Variants in STK39 observed in about 807,000 individuals in gnomAD.
The protein encoded by STK39 is STE20/SPS1-related proline-alanine-rich protein kinase.
In STK39, 20 loss-of-function variants were observed where a neutral mutation model predicts 77.8. That is an observed-to-expected ratio of 0.26 (90% CI 0.18 to 0.37). The LOEUF is 0.37. STK39 is among the 10% of genes least tolerant of loss of function. The probability of loss-of-function intolerance (pLI) is 1.00; values close to 1 mark genes in which losing one functional copy is unlikely to be tolerated. For synonymous variants in STK39, 246 were observed against 234.1 expected (o/e 1.05, Z -0.47); for missense variants, 479 against 656.5 (o/e 0.73, Z 2.95).
At chr2:168,021,469 G>T (rs1001039884) in intron 14 of STK39, among the ~76,000 whole-genome samples, 1 of 152,116 alleles carries the variant, frequency 6.6e-6, no homozygotes, top group Admixed American at 6.6e-5. Flanking sequence ...TTTTTATAAA[G>T]AATTAATCTT....
At chr2:168,016,956 T>G (rs1684425665) in intron 15 of STK39, 87 bp downstream of exon 15, 2 of 1,074,188 alleles carry the variant, frequency 1.9e-6, no homozygotes, top group Non-Finnish European at 2.7e-6. Context: ...AAAGCAGTTT[T>G]AAATAGCAGA....
chr2:168,223,099 T>C (rs1690216066), intron 1 of STK39, among the ~76,000 whole-genome samples: 1 of 152,192 alleles, frequency 6.6e-6, no homozygotes, highest in South Asian at 2.1e-4. Context: ...GCCAAGTAAC[T>C]GGCTCTCAGT....
chr2:168,222,815 A>G (rs557826256), intron 1 of STK39, among the ~76,000 whole-genome samples: 1 of 152,260 alleles, frequency 6.6e-6, no homozygotes, highest in African/African-American at 2.4e-5. Flanking sequence ...TATAAATAAC[A>G]AGAGACTTCA....
chr2:168,072,642 T>C (rs1021355762), intron 12 of STK39, among the ~76,000 whole-genome samples: 5 of 152,252 alleles, frequency 3.3e-5, no homozygotes, highest in Admixed American at 1.3e-4. Context: ...ACAGGGCACA[T>C]AGTAGGGACA....
At chr2:168,044,352 T>C (rs373516278) in intron 14 of STK39, among the ~76,000 whole-genome samples, 3 of 152,344 alleles carry the variant, frequency 2.0e-5, no homozygotes, top group South Asian at 4.2e-4. Flanking sequence ...TCACTCAATA[T>C]GCAACTTGAA....
chr2:168,038,965 T>G (rs988543571), intron 14 of STK39, among the ~76,000 whole-genome samples: 3 of 152,016 alleles, frequency 2.0e-5, no homozygotes, highest in African/African-American at 4.8e-5. Flanking sequence ...AAATGGAAAA[T>G]CCACTTTGCA....
chr2:168,102,864 A>G (rs1041332837), intron 10 of STK39, among the ~76,000 whole-genome samples: 1 of 134,554 alleles, frequency 7.4e-6, no homozygotes, highest in African/African-American at 2.8e-5. Flanking sequence ...TGGGAGGCGG[A>G]GCTTGTAGTG....
chr2:168,129,645 T>C (rs1687629515), intron 9 of STK39, 39 bp from the exon 10 acceptor site: 1 of 1,613,868 alleles, frequency 6.2e-7, no homozygotes, highest in South Asian at 1.1e-5. Context: ...ACATCAAATA[T>C]GATACACATA....
intron 2 of STK39, among the ~76,000 whole-genome samples, chr2:168,170,311 TA>T (rs1282164407): frequency 6.6e-6 from 1 of 152,084 alleles, no homozygotes; most frequent in East Asian, 1.9e-4. Flanking sequence ...TTACCAAGCA[TA>T]TTTGTTTGTC....
At chr2:168,082,188 T>C (rs772330717) in intron 10 of STK39, among the ~76,000 whole-genome samples, 1 of 152,214 alleles carries the variant, frequency 6.6e-6, no homozygotes, top group African/African-American at 2.4e-5. Context: ...AAGACACTTA[T>C]AGCCAGGCCC....
intron 10 of STK39, among the ~76,000 whole-genome samples, chr2:168,111,885 C>A (rs1324512884): frequency 6.6e-6 from 1 of 152,160 alleles, no homozygotes; most frequent in Non-Finnish European, 1.5e-5. Flanking sequence ...AAAAACCTCA[C>A]TGGATCTTTA....
At chr2:167,996,782 G>A (rs1683852750) in intron 16 of STK39, among the ~76,000 whole-genome samples, 1 of 152,090 alleles carries the variant, frequency 6.6e-6, no homozygotes, top group Admixed American at 6.6e-5. Flanking sequence ...CAAAGAAAGA[G>A]GTAAGTGTTT....
chr2:168,078,683 A>G (rs1055666860), intron 10 of STK39, among the ~76,000 whole-genome samples: 3 of 151,928 alleles, frequency 2.0e-5, no homozygotes, highest in African/African-American at 7.3e-5. Flanking sequence ...TTACTGACCC[A>G]AAGAAATACT....
Position 168,033,944 on chromosome 2 carries a change from A to G in STK39, c.1377-16849T>C, listed in dbSNP as rs541517330. Among the ~76,000 whole-genome samples the G allele has an allele frequency of 3.2e-4, 48 of 152,338 alleles. 2 individuals are homozygous for G. The Middle Eastern group carries it at 0.024, about 76-fold the overall frequency. On this transcript the variant is annotated intron_variant, in intron 14 of 17. Transcript: ENST00000355999. ...TGGACAGTGCCTTCTGCAAGCACTC[A>G]GTATTAGTGAAAAAACATCAACAGC... is the stretch of plus-strand genomic sequence containing the variant.
intron 1 of STK39, among the ~76,000 whole-genome samples, chr2:168,190,693 G>A (rs914495144): frequency 1.4e-4 from 22 of 152,198 alleles, no homozygotes; most frequent in African/African-American, 5.3e-4. Flanking sequence ...CGAAATCCAT[G>A]TCAGGGAACA....
rs565096148 is a variant in STK39, at chr2:168,072,298, CA to C, written c.1242+2683del. 1.2e-3 allele frequency among the ~76,000 whole-genome samples: 185 copies of C among 152,220 alleles called. 1 individual carries two copies. The highest frequency in any genetic ancestry group is 6.8e-3 in the Middle Eastern group (2 of 294). ...CTTCTGTGGAACAAAGTGATAGTTA[CA>C]GGGGTGAAAAGGGGAGCAGGATAAA... On this transcript the variant is annotated intron_variant, in intron 12 of 17. Transcript: ENST00000355999.
chr2:168,090,291 T>TTGAATGAA (rs35981068), intron 10 of STK39, among the ~76,000 whole-genome samples: 20 of 151,514 alleles, frequency 1.3e-4, no homozygotes, highest in East Asian at 7.8e-4. Context: ...GATACATTTG[T>TTGAATGAA]TGAATGAATG....
intron 5 of STK39, among the ~76,000 whole-genome samples, chr2:168,156,300 T>C (rs555114810): frequency 2.6e-5 from 4 of 152,282 alleles, no homozygotes; most frequent in African/African-American, 9.6e-5. Flanking sequence ...CTTGCAGACA[T>C]GACCAGAAAA....
intron 17 of STK39, among the ~76,000 whole-genome samples, chr2:167,957,334 G>C (rs1691814015): frequency 6.6e-6 from 1 of 152,152 alleles, no homozygotes; most frequent in Admixed American, 6.5e-5. Flanking sequence ...GTCATTGTTT[G>C]TGTTGACAGG....
Sources: gnomAD v4.1 joint callset for allele counts (sites outside exome capture counted in the v4.1 genomes callset) on GRCh38, gnomAD v4.1.1 for gene constraint, MANE v1.5 for transcripts, NCBI Gene and HGNC (gene_info 2026-07-23, HGNC 2026-07-21) for gene names.